The following KDM4C variants were observed in gnomAD, a reference collection of about 807,000 sequenced individuals.
KDM4C encodes lysine-specific demethylase 4C.
A neutral mutation model predicts 129.3 loss-of-function variants in KDM4C; 81 were observed. That is an observed-to-expected ratio of 0.63 (90% confidence interval 0.52 to 0.75). The LOEUF is 0.75. Among genes scored for constraint, KDM4C ranks in the 30% least tolerant of loss-of-function variants. The pLI is 0.00. For missense variants in KDM4C, 1,457 were observed against 1,304.0 expected (o/e 1.12, Z -1.81); for synonymous variants, 573 against 456.1 (o/e 1.26, Z -3.26).
intron 1 of KDM4C, among the ~76,000 whole-genome samples, chr9:6,775,867 T>C (rs1822917520): frequency 6.6e-6 from 1 of 152,162 alleles, no homozygotes; most frequent in African/African-American, 2.4e-5. Context: ...TGGTGCTTGG[T>C]AATTCCTTGT....
chr9:6,781,212 A>G (rs958729449), intron 1 of KDM4C, among the ~76,000 whole-genome samples: 1 of 152,156 alleles, frequency 6.6e-6, no homozygotes, highest in Non-Finnish European at 1.5e-5. Context: ...ACAAGGGCCA[A>G]GGTATAGTTG....
At chr9:7,170,334 T>C in intron 21 of KDM4C, 1 of 1,020,606 alleles carries the variant, frequency 9.8e-7, no homozygotes, top group South Asian at 3.8e-5. Flanking sequence ...CTACCTTCTG[T>C]CTCAGAAAGT....
At chr9:6,867,393 G>A (rs1842205737) in intron 5 of KDM4C, among the ~76,000 whole-genome samples, 1 of 152,100 alleles carries the variant, frequency 6.6e-6, no homozygotes, top group Non-Finnish European at 1.5e-5. Flanking sequence ...CACCATTTTG[G>A]TATCAGAAAC....
At chr9:7,049,922 C>T (rs540396867) in intron 17 of KDM4C, among the ~76,000 whole-genome samples, 1 of 152,076 alleles carries the variant, frequency 6.6e-6, no homozygotes, top group East Asian at 1.9e-4. Context: ...TGTATTGGAG[C>T]ACGTCTTACA....
chr9:7,142,722 C>A (rs1222251526), intron 19 of KDM4C, among the ~76,000 whole-genome samples: 2 of 152,108 alleles, frequency 1.3e-5, no homozygotes, highest in African/African-American at 4.8e-5. Flanking sequence ...ATACCCATGG[C>A]TGGCTAAAGT....
rs74891920 is a variant in KDM4C, at chr9:6,810,904, A to G, written c.321-3727A>G. Among the ~76,000 whole-genome samples the G allele has an allele frequency of 3.4e-3, 520 of 152,276 alleles. 12 individuals are homozygous for G. The East Asian group carries it at 0.047, about 14-fold the overall frequency. ...ATAAATAAATAAATAAATAAAGTTA[A>G]TTGGTCTTTTGATTTGGACTAGTTT... On this transcript the variant is annotated intron_variant, in intron 3 of 21. Transcript: ENST00000381309.
intron 17 of KDM4C, among the ~76,000 whole-genome samples, chr9:7,080,785 C>T (rs879470425): frequency 6.6e-6 from 1 of 152,182 alleles, no homozygotes; most frequent in Non-Finnish European, 1.5e-5. Context: ...AAGTTAAAAA[C>T]AGTACAACCC....
At chr9:6,796,369 C>T (rs975298784) in intron 2 of KDM4C, among the ~76,000 whole-genome samples, 3 of 152,122 alleles carry the variant, frequency 2.0e-5, no homozygotes, top group Non-Finnish European at 4.4e-5. Flanking sequence ...CACTTGAACC[C>T]GGGAGGTGGA....
intron 8 of KDM4C, among the ~76,000 whole-genome samples, chr9:6,939,988 T>A (rs145705211): frequency 0.063 from 5,555 of 88,604 alleles, 148 homozygotes; most frequent in South Asian, 0.13. Flanking sequence ...CTTCCTTCCT[T>A]CCTTCCTTCC....
chr9:7,029,946 A>G (rs542598944), intron 15 of KDM4C, among the ~76,000 whole-genome samples: 42 of 152,240 alleles, frequency 2.8e-4, no homozygotes, highest in Admixed American at 2.6e-3. Context: ...CAGTTGTGCT[A>G]TGTCCTTCTA....
At chr9:6,944,658 T>TTTTTTG (rs1297961393) in intron 8 of KDM4C, among the ~76,000 whole-genome samples, 1 of 140,916 alleles carries the variant, frequency 7.1e-6, no homozygotes, top group African/African-American at 2.6e-5. Flanking sequence ...AGAGGTTTTT[T>TTTTTTG]TTTTTTTTTT....
chr9:6,856,539 C>CGTGTGTGTGTGTGTGTGCGTGT (rs1839848333), intron 5 of KDM4C, among the ~76,000 whole-genome samples: 1 of 131,546 alleles, frequency 7.6e-6, no homozygotes, highest in Non-Finnish European at 1.6e-5. Flanking sequence ...TCTCTGTGTG[C>CGTGTGTGTGTGTGTGTGCGTGT]GTGTGTGTGT....
intron 2 of KDM4C, among the ~76,000 whole-genome samples, chr9:6,797,288 G>A (rs143055573): frequency 3.9e-5 from 6 of 152,048 alleles, no homozygotes; most frequent in East Asian, 3.9e-4. Flanking sequence ...TGCCTGGCCC[G>A]TTAATCCACT....
At chr9:6,802,793 G>C (rs974795042) in intron 2 of KDM4C, among the ~76,000 whole-genome samples, 9 of 152,328 alleles carry the variant, frequency 5.9e-5, no homozygotes, top group African/African-American at 1.7e-4. Context: ...TTTTAGTAGA[G>C]ATGGGGTTTC....
chr9:6,953,228 A>G (rs1031482595), intron 8 of KDM4C, among the ~76,000 whole-genome samples: 31 of 152,234 alleles, frequency 2.0e-4, no homozygotes, highest in African/African-American at 6.8e-4. Context: ...CAAACAAGAC[A>G]GCCTGAGTGT....
At chr9:6,745,929 C>G (rs1328584234) in intron 1 of KDM4C, among the ~76,000 whole-genome samples, 1 of 152,124 alleles carries the variant, frequency 6.6e-6, no homozygotes, top group Non-Finnish European at 1.5e-5. Context: ...CCCGCCTCAG[C>G]CTCCTGAGTA....
At chr9:6,900,649 G>A (rs757548009) in intron 8 of KDM4C, among the ~76,000 whole-genome samples, 3 of 152,216 alleles carry the variant, frequency 2.0e-5, no homozygotes, top group South Asian at 2.1e-4. Context: ...ACAAAGAGAA[G>A]CCAATGGACA....
chr9:7,058,774 C>T (rs1277663760), intron 17 of KDM4C, among the ~76,000 whole-genome samples: 3 of 152,172 alleles, frequency 2.0e-5, no homozygotes, highest in African/African-American at 4.8e-5. Flanking sequence ...ACTTCCACTG[C>T]CTGCTATAAT....
chr9:7,018,312 T>C (rs1268912331), intron 15 of KDM4C, among the ~76,000 whole-genome samples: 1 of 152,216 alleles, frequency 6.6e-6, no homozygotes, highest in Non-Finnish European at 1.5e-5. Context: ...GGGACTACTG[T>C]CATGTGTGCA....
Sources: gnomAD v4.1 joint callset for allele counts (sites outside exome capture counted in the v4.1 genomes callset) on GRCh38, gnomAD v4.1.1 for gene constraint, MANE v1.5 for transcripts, NCBI Gene and HGNC (gene_info 2026-07-23, HGNC 2026-07-21) for gene names.